Variants in CSMD1 observed in about 807,000 individuals in gnomAD.
CSMD1 encodes the protein CUB and sushi domain-containing protein 1.
Under a neutral mutation model 417.5 loss-of-function variants are expected in CSMD1, and 213 were observed. The ratio of observed to expected loss-of-function variants is 0.51; its 90% confidence interval spans 0.46 to 0.57. The LOEUF (loss-of-function observed/expected upper bound fraction) is 0.57, where lower values mean the gene tolerates loss of function less well. Among genes scored for constraint, CSMD1 ranks in the 20% least tolerant of loss-of-function variants. CSMD1 has a pLI of 0.00. For synonymous variants in CSMD1, 2,862 were observed against 1,736.8 expected (o/e 1.65, Z -16.11); for missense variants, 6,923 against 4,529.7 (o/e 1.53, Z -15.17).
chr8:3,602,289 G>C (rs528880961), intron 8 of CSMD1, among the ~76,000 whole-genome samples: 17 of 152,132 alleles, frequency 1.1e-4, no homozygotes, highest in South Asian at 2.1e-4. Context: ...AGGAAAACCA[G>C]ATCACTTTCT....
intron 49 of CSMD1, among the ~76,000 whole-genome samples, chr8:3,075,340 G>A (rs941844289): frequency 4.7e-5 from 7 of 150,268 alleles, no homozygotes; most frequent in African/African-American, 7.3e-5. Context: ...GGAGTGCAAC[G>A]GTGTGATCTC....
chr8:3,012,485 G>A (rs1360297243), intron 52 of CSMD1, among the ~76,000 whole-genome samples: 1 of 152,118 alleles, frequency 6.6e-6, no homozygotes, highest in Non-Finnish European at 1.5e-5. Context: ...ATGTTGCGAT[G>A]AAACTGAAGC....
intron 4 of CSMD1, among the ~76,000 whole-genome samples, chr8:4,009,964 G>C (rs1302260160): frequency 1.3e-5 from 2 of 152,106 alleles, no homozygotes; most frequent in Admixed American, 6.6e-5. Flanking sequence ...TCCTCTAAAA[G>C]ATCTACACAT....
chr8:3,228,554 T>C (rs2116896674), intron 27 of CSMD1, among the ~76,000 whole-genome samples: 1 of 152,360 alleles, frequency 6.6e-6, no homozygotes, highest in East Asian at 1.9e-4. Context: ...GGTATTTATT[T>C]ACCTTTTGGT....
At chr8:3,371,856 GA>G (rs1563321294) in intron 18 of CSMD1, among the ~76,000 whole-genome samples, 1 of 152,148 alleles carries the variant, frequency 6.6e-6, no homozygotes, top group African/African-American at 2.4e-5. Context: ...AGATTGCAGT[GA>G]CTCCACATTT....
intron 5 of CSMD1, among the ~76,000 whole-genome samples, chr8:3,944,032 T>C (rs1395362048): frequency 1.6e-4 from 25 of 152,142 alleles, no homozygotes; most frequent in Non-Finnish European, 5.9e-5. Flanking sequence ...ACTGTGGTTG[T>C]GAAAGAACAT....
intron 3 of CSMD1, among the ~76,000 whole-genome samples, chr8:4,403,674 C>A (rs77955421): frequency 1.3e-5 from 2 of 151,928 alleles, no homozygotes; most frequent in Non-Finnish European, 2.9e-5. Flanking sequence ...GAGTCTAACC[C>A]CTAGAGTAAC....
chr8:3,236,537 C>T (rs954567442), intron 26 of CSMD1, among the ~76,000 whole-genome samples: 1 of 152,084 alleles, frequency 6.6e-6, no homozygotes, highest in African/African-American at 2.4e-5. Context: ...ATGAATGATG[C>T]AAAGATGTTT....
At chr8:3,692,505 G>A (rs555059479) in intron 7 of CSMD1, among the ~76,000 whole-genome samples, 2 of 140,512 alleles carry the variant, frequency 1.4e-5, no homozygotes, top group Non-Finnish European at 2.9e-5. Context: ...GCACTGGCGC[G>A]ATATCGGCTC....
chr8:4,092,905 T>G (rs899240359), intron 3 of CSMD1, among the ~76,000 whole-genome samples: 2 of 151,872 alleles, frequency 1.3e-5, no homozygotes, highest in East Asian at 3.9e-4. Context: ...AAAACACAAG[T>G]TTTTTTTAAT....
At chr8:3,090,012 C>G (rs554673171) in intron 48 of CSMD1, among the ~76,000 whole-genome samples, 2 of 152,282 alleles carry the variant, frequency 1.3e-5, no homozygotes, top group South Asian at 4.1e-4. Flanking sequence ...AATTCAAACA[C>G]CTTTAAGAGT....
intron 12 of CSMD1, among the ~76,000 whole-genome samples, chr8:3,458,213 C>T (rs76395487): frequency 0.03 from 4,558 of 152,140 alleles, 129 homozygotes; most frequent in East Asian, 0.12. Context: ...CTGGAGCTAA[C>T]GGGCCACTAA....
At chr8:3,066,483 TA>T in intron 49 of CSMD1, among the ~76,000 whole-genome samples, 1 of 152,310 alleles carries the variant, frequency 6.6e-6, no homozygotes. Context: ...CGCATGCAGG[TA>T]AAATGAACTG....
At position 4,303,598 on chromosome 8, in the gene CSMD1, A is replaced by G. The variant is rs1798098409; in HGVS notation, c.415+116355T>C. ...TTGGTGACTGTGTGGCACCTTCTGG[A>G]CATTGTCATATGAAGAGAGTTCTAC... On this transcript the variant is annotated intron_variant, in intron 3 of 69. Coordinates refer to ENST00000635120, the MANE Select transcript of CSMD1 (RefSeq NM_033225.6). 2.0e-5 allele frequency among the ~76,000 whole-genome samples: 3 copies of G among 152,190 alleles called. No homozygotes were observed. The South Asian group carries it at 6.2e-4, about 32-fold the overall frequency.
At chr8:3,080,848 G>A (rs1814039721) in intron 49 of CSMD1, among the ~76,000 whole-genome samples, 1 of 152,166 alleles carries the variant, frequency 6.6e-6, no homozygotes, top group Non-Finnish European at 1.5e-5. Flanking sequence ...GGGCTACTTT[G>A]GAGGGGGATG....
intron 37 of CSMD1, among the ~76,000 whole-genome samples, chr8:3,177,155 G>A (rs138172658): frequency 1.3e-5 from 2 of 152,248 alleles, no homozygotes; most frequent in African/African-American, 4.8e-5. Flanking sequence ...AAAACAATGG[G>A]GAAAGGCGAC....
chr8:4,746,881 T>C (rs1810989000), intron 1 of CSMD1, among the ~76,000 whole-genome samples: 1 of 152,214 alleles, frequency 6.6e-6, no homozygotes, highest in Admixed American at 6.5e-5. Flanking sequence ...TTTAAAAGCA[T>C]AATTGACTTA....
chr8:3,446,581 G>C (rs879462074), intron 12 of CSMD1, among the ~76,000 whole-genome samples: 2 of 152,160 alleles, frequency 1.3e-5, no homozygotes, highest in Non-Finnish European at 2.9e-5. Context: ...TCCTCTCCAC[G>C]GGTAAACAGA....
At chr8:4,113,345 A>C (rs1006580266) in intron 3 of CSMD1, among the ~76,000 whole-genome samples, 1 of 151,454 alleles carries the variant, frequency 6.6e-6, no homozygotes, top group Non-Finnish European at 1.5e-5. Flanking sequence ...CCCAACAGCC[A>C]AGCTGTGAGT....
Sources: allele counts gnomAD v4.1 joint callset (sites outside exome capture counted in the v4.1 genomes callset), GRCh38; gene constraint gnomAD v4.1.1; transcripts MANE v1.5; gene names NCBI Gene and HGNC (gene_info 2026-07-23, HGNC 2026-07-21).